The following RAD51D variants were observed in gnomAD, a reference collection of about 807,000 sequenced individuals.
The protein encoded by RAD51D is RAD51 paralog D.
In RAD51D, 38 loss-of-function variants were observed where a neutral mutation model predicts 44.1. The ratio of observed to expected loss-of-function variants is 0.86; its 90% CI spans 0.67 to 1.13. The LOEUF is 1.13. Ranked by LOEUF, RAD51D falls within the 50% of genes most tolerant of loss-of-function variation. The pLI is 0.00. For synonymous variants in RAD51D, 141 were observed against 166.6 expected (o/e 0.85, Z 1.18); for missense variants, 390 against 414.0 (o/e 0.94, Z 0.50).
At chr17:35,107,550 G>T in intron 3 of RAD51D, 103 bp from the exon 4 acceptor site, 2 of 948,096 alleles carry the variant, frequency 2.1e-6, no homozygotes, top group Non-Finnish European at 3.4e-6. Flanking sequence ...CACTGGTTCT[G>T]TCTTTGAACA....
At chr17:35,101,922 G>A (rs1173533763) in intron 8 of RAD51D, among the ~76,000 whole-genome samples, 1 of 152,130 alleles carries the variant, frequency 6.6e-6, no homozygotes, top group East Asian at 1.9e-4. Flanking sequence ...TATTTTTAAT[G>A]GGTACAGAGT....
chr17:35,093,673 A>G lies in RAD51D; in HGVS notation c.*7280T>C, dbSNP rs933286718. Reference sequence around the variant, plus strand: ...GCATCTAACTCAGTAAAATATTGTAAATAGTCCACTAAAGTTAGGAACAAG... The same window carrying G: ...GCATCTAACTCAGTAAAATATTGTAGATAGTCCACTAAAGTTAGGAACAAG... On this transcript the variant is annotated 3_prime_UTR_variant, in exon 10 of 10. Transcript: ENST00000345365. The G allele has an allele frequency of 1.3e-5, 2 of 152,208 alleles. No homozygotes were observed. Among genetic ancestry groups the G allele is most frequent in the African/African-American group, 2.4e-5 (1 of 41,446 alleles). The allele number at this position is 152,208 out of a possible 1,614,324, so 9.4% of individuals were successfully genotyped here.
rs558397245 is a variant in RAD51D, at chr17:35,116,643, C to CA, written c.263+1857_263+1858insT. 3.6e-3 allele frequency among the ~76,000 whole-genome samples: 542 copies of CA among 152,128 alleles called. 6 individuals are homozygous for CA. Among genetic ancestry groups the CA allele is most frequent in the African/African-American group, 0.012 (516 of 41,492 alleles). ...CCGAGTAGCTGGGACTACAGGCGCC[C>CA]GCCACCACGCCCAGCTAATATTTTG... On this transcript the variant is annotated intron_variant, in intron 3 of 9. Coordinates refer to ENST00000345365, the MANE Select transcript of RAD51D (RefSeq NM_002878.4).
At chr17:35,108,868 C>CTTTTTTTTTTTTTTTT (rs35092882) in intron 3 of RAD51D, among the ~76,000 whole-genome samples, 1 of 122,644 alleles carries the variant, frequency 8.2e-6, no homozygotes. Context: ...TTTTTCTTTT[C>CTTTTTTTTTTTTTTTT]TTTTTTTTTT....
In RAD51D at chr17:35,100,197, C is replaced by T. The variant is rs1231502466; in HGVS notation, c.*756G>A. On this transcript the variant is annotated 3_prime_UTR_variant, in exon 10 of 10. Transcript: ENST00000345365. Reference sequence around the variant, plus strand: ...GGATTCACCAGGAGCAGGTCATACCCTCCCTTTCTGTTAAATTATATCCCT... The same window carrying T: ...GGATTCACCAGGAGCAGGTCATACCTTCCCTTTCTGTTAAATTATATCCCT... 1.9e-6 allele frequency: 1 copy of T among 532,686 alleles called. No homozygotes were observed. Among genetic ancestry groups the T allele is most frequent in the Non-Finnish European group, 3.6e-6 (1 of 275,388 alleles). 33.0% of individuals were successfully genotyped at this position (532,686 alleles called of 1,614,324 possible).
At position 35,093,520 on chromosome 17, in the gene RAD51D, G is replaced by A. The variant is rs1456914939; in HGVS notation, c.*7433C>T. 1.3e-5 allele frequency: 2 copies of A among 152,284 alleles called. No individual in the cohort carries two copies. Among genetic ancestry groups the A allele is most frequent in the Non-Finnish European group, 1.5e-5 (1 of 68,048 alleles). The allele number at this position is 152,284 out of a possible 1,614,324, so 9.4% of individuals were successfully genotyped here. ...CTGAAGTGCAGCCGTACAGCTCCAG[G>A]GCATGAGGACCTGGCAGAGAGAACT... On this transcript the variant is annotated 3_prime_UTR_variant, in exon 10 of 10. Transcript: ENST00000345365.
At chr17:35,116,461 C>A (rs2091748106) in intron 3 of RAD51D, among the ~76,000 whole-genome samples, 1 of 152,054 alleles carries the variant, frequency 6.6e-6, no homozygotes. Context: ...AATTTCTTCA[C>A]CTATAGAATG....
chr17:35,092,250 C>G lies in RAD51D; in HGVS notation c.*8703G>C, dbSNP rs964794353. 1 of 152,190 alleles carries G rather than the reference C, an allele frequency of 6.6e-6. No homozygotes were observed. The highest frequency in any genetic ancestry group is 1.5e-5 in the Non-Finnish European group (1 of 68,034). The allele number at this position is 152,190 out of a possible 1,614,324, so 9.4% of individuals were successfully genotyped here. On this transcript the variant is annotated 3_prime_UTR_variant, in exon 10 of 10. Coordinates refer to ENST00000345365, the MANE Select transcript of RAD51D (RefSeq NM_002878.4). ...CTTGGACATATTTTTATTATTTCTA[C>G]TCATTTGCTAAGTACTTTCCAACGC...
Position 35,103,536 on chromosome 17 carries a change from AC to A in RAD51D, c.584del (p.Gly195ValfsTer6). ...CCACCACCTTCACAGTTCCTGAAGA[AC>A]CAGTCACCTGAAGGAATGTGGGGGA... ...LRGTVAQQVTGSSGTVKVVVV... is the reference protein window; with the variant it reads ...LRGTVAQQVTXSSGTVKVVVV... On this transcript the variant is annotated frameshift_variant, in exon 7 of 10. Coordinates refer to ENST00000345365, the MANE Select transcript of RAD51D (RefSeq NM_002878.4). LOFTEE classifies it high-confidence loss of function. This position sits in a 1 kb window ranked among gnomAD's most constrained non-coding sequence, Gnocchi z 4.1. The A allele has an allele frequency of 6.2e-7, 1 of 1,613,980 alleles. No homozygotes were observed. The highest frequency in any genetic ancestry group is 1.3e-5 in the African/African-American group (1 of 75,056).
Position 35,119,718 on chromosome 17 carries a change from C to G in RAD51D, c.-105G>C. On this transcript the variant is annotated 5_prime_UTR_variant, in exon 1 of 10. Coordinates refer to ENST00000345365, the MANE Select transcript of RAD51D (RefSeq NM_002878.4). ...CCCCTACCCCTTCCTAGAGAGGACA[C>G]AGGCGCGCTGGCTGCCGGAGGAGAA... 8.5e-7 allele frequency: 1 copy of G among 1,179,054 alleles called. No homozygotes were observed. The highest frequency in any genetic ancestry group is 1.5e-5 in the African/African-American group (1 of 66,462). The allele number at this position is 1,179,054 out of a possible 1,614,324, so 73.0% of individuals were successfully genotyped here.
rs2091477675 is a variant in RAD51D, at chr17:35,094,895, G to GT, written c.*6057dup. 6.9e-6 allele frequency: 1 copy of GT among 145,084 alleles called. No individual in the cohort carries two copies. The allele number at this position is 145,084 out of a possible 1,614,324, so 9.0% of individuals were successfully genotyped here. On this transcript the variant is annotated 3_prime_UTR_variant, in exon 10 of 10. Transcript: ENST00000345365. The stretch of plus-strand genomic sequence containing the variant: ...TGATTAACTCGTCTTTGGTACTACC[G>GT]TAAGTACTAGTGAGAGGCTGCCCAC...
At chr17:35,112,414 G>A (rs2091688725) in intron 3 of RAD51D, among the ~76,000 whole-genome samples, 1 of 151,784 alleles carries the variant, frequency 6.6e-6, no homozygotes, top group African/African-American at 2.4e-5. Context: ...GTTTCACTCT[G>A]TCACCCAGGT....
intron 1 of RAD51D, 36 bp downstream of exon 1, chr17:35,119,496 C>A (rs754585957): frequency 3.7e-6 from 6 of 1,605,724 alleles, no homozygotes; most frequent in Non-Finnish European, 4.2e-6. Context: ...TTGTGCGAGG[C>A]CCGCGCGGCT....
chr17:35,119,285 A>G (rs1424797346), intron 1 of RAD51D, 113 bp from the exon 2 acceptor site: 1 of 1,061,428 alleles, frequency 9.4e-7, no homozygotes, highest in Admixed American at 1.9e-5. Context: ...AGGCCGTCTC[A>G]GGAGGCCAGT....
chr17:35,106,333 G>C (rs1449547855), intron 6 of RAD51D, 53 bp downstream of exon 6: 1 of 1,462,356 alleles, frequency 6.8e-7, no homozygotes, highest in Non-Finnish European at 9.6e-7. Context: ...TGCCCACAGA[G>C]ATAGCACCTA....
intron 3 of RAD51D, among the ~76,000 whole-genome samples, chr17:35,111,848 C>T (rs888461171): frequency 5.9e-5 from 9 of 152,266 alleles, no homozygotes; most frequent in Middle Eastern, 3.4e-3. Context: ...ATAGGAACTG[C>T]GTTAAATTAC....
intron 3 of RAD51D, chr17:35,117,119 T>G: frequency 7.0e-7 from 1 of 1,426,784 alleles, no homozygotes; most frequent in Non-Finnish European, 9.6e-7. Context: ...CCTCCCTCGG[T>G]GCTTACAGCT....
In RAD51D at chr17:35,095,350, C is replaced by CG. The variant is rs1597851925; in HGVS notation, c.*5602dup. The CG allele has an allele frequency of 6.6e-6, 1 of 151,656 alleles. No homozygotes were observed. Among genetic ancestry groups the CG allele is most frequent in the African/African-American group, 2.4e-5 (1 of 41,178 alleles). 9.4% of individuals were successfully genotyped at this position (151,656 alleles called of 1,614,324 possible). ...ATACAAAAAGAGCCGGGGATGGGGG[C>CG]GCATGCTTGTAATCCCAGCTACTCG... On this transcript the variant is annotated 3_prime_UTR_variant, in exon 10 of 10. Transcript: ENST00000345365.
At chr17:35,109,534 G>A (rs935263022) in intron 3 of RAD51D, among the ~76,000 whole-genome samples, 1 of 152,166 alleles carries the variant, frequency 6.6e-6, no homozygotes, top group African/African-American at 2.4e-5. Context: ...ATGTATATAT[G>A]AGTAGTCCAG....
Sources: allele counts gnomAD v4.1 joint callset (sites outside exome capture counted in the v4.1 genomes callset), GRCh38; gene constraint gnomAD v4.1.1; non-coding constraint Gnocchi (gnomAD v3.1); transcripts MANE v1.5; gene names NCBI Gene and HGNC (gene_info 2026-07-23, HGNC 2026-07-21).